ZBTB41: variants seen among roughly 807,000 people sequenced by gnomAD.
ZBTB41 encodes the protein zinc finger and BTB domain containing 41, also known as zinc finger and BTB domain-containing protein 41.
Under a neutral mutation model 87.6 loss-of-function variants are expected in ZBTB41, and 42 were observed. That is an observed-to-expected ratio of 0.48 (90% CI 0.37 to 0.62). The LOEUF is 0.62. Among genes scored for constraint, ZBTB41 ranks in the 20% least tolerant of loss-of-function variants. The pLI is 0.00. For missense variants in ZBTB41, 799 were observed against 1,078.9 expected, an observed-to-expected ratio of 0.74 and a Z score of 3.63; for synonymous variants, 364 against 364.0, an observed-to-expected ratio of 1.00 and a Z score of 0.00.
At chr1:197,168,035 T>G (rs1035596440) in intron 10 of ZBTB41, among the ~76,000 whole-genome samples, 7 of 151,934 alleles carry the variant, frequency 4.6e-5, no homozygotes, top group Non-Finnish European at 8.8e-5. Context: ...AAGCTAGGGG[T>G]AAACTATAAA....
chr1:197,169,758 T>G (rs1210222002), intron 10 of ZBTB41, among the ~76,000 whole-genome samples: 1 of 152,040 alleles, frequency 6.6e-6, no homozygotes, highest in Admixed American at 6.6e-5. Flanking sequence ...TCAGTCAACA[T>G]TAAAATCAAG....
At chr1:197,186,355 T>C (rs1659882924) in intron 5 of ZBTB41, among the ~76,000 whole-genome samples, 2 of 150,980 alleles carry the variant, frequency 1.3e-5, no homozygotes, top group South Asian at 4.2e-4. Flanking sequence ...CACAAAAATG[T>C]AGATGACCTT....
chr1:197,182,630 A>G (rs1659778021), intron 5 of ZBTB41, among the ~76,000 whole-genome samples: 1 of 152,192 alleles, frequency 6.6e-6, no homozygotes, highest in African/African-American at 2.4e-5. Context: ...ATTCATATAT[A>G]TTAAAAATTC....
At chr1:197,201,136 G>A (rs1469497691) in intron 1 of ZBTB41, among the ~76,000 whole-genome samples, 87 bp downstream of exon 1, 1 of 152,210 alleles carries the variant, frequency 6.6e-6, no homozygotes, top group African/African-American at 2.4e-5. Flanking sequence ...CCCAGGCCCG[G>A]GCAAGGCGGA....
rs1312650739 is a variant in ZBTB41, at chr1:197,155,619, T to C, written c.*3740A>G. On this transcript the variant is annotated 3_prime_UTR_variant, in exon 11 of 11. Coordinates refer to ENST00000367405, the MANE Select transcript of ZBTB41 (RefSeq NM_194314.3). ...TGTTTTTAATTTGTTTGCAATTATA[T>C]TGAAAAGCAACCAATGATAATTACT... The C allele has an allele frequency of 2.0e-5, 3 of 152,394 alleles. No homozygotes were observed. The highest frequency in any genetic ancestry group is 4.8e-5 in the African/African-American group (2 of 41,438). 9.4% of individuals were successfully genotyped at this position (152,394 alleles called of 1,614,324 possible).
Position 197,155,491 on chromosome 1 carries a change from A to G in ZBTB41, c.*3868T>C, listed in dbSNP as rs892409022. Reference sequence around the variant, plus strand: ...CAGAAAAGACTGGGTATAAAAGGACACTGTCAAAGAGCTACTGCTCAAAAT... The same window carrying G: ...CAGAAAAGACTGGGTATAAAAGGACGCTGTCAAAGAGCTACTGCTCAAAAT... On this transcript the variant is annotated 3_prime_UTR_variant, in exon 11 of 11. Transcript: ENST00000367405. The G allele has an allele frequency of 6.6e-6, 1 of 152,342 alleles. No homozygotes were observed. The highest frequency in any genetic ancestry group is 1.5e-5 in the Non-Finnish European group (1 of 67,836). The allele number at this position is 152,342 out of a possible 1,614,324, so 9.4% of individuals were successfully genotyped here. A position where few individuals can be genotyped will look rare whatever the true frequency, so the allele number is the denominator to read the frequency against.
chr1:197,191,934 A>G lies in ZBTB41; in HGVS notation c.1121-35T>C, dbSNP rs1398618739. The G allele has an allele frequency of 2.0e-6, 3 of 1,499,932 alleles. No homozygotes were observed. The African/African-American group carries it at 4.2e-5, about 21-fold the overall frequency. The allele number at this position is 1,499,932 out of a possible 1,614,324, so 92.9% of individuals were successfully genotyped here. A position where few individuals can be genotyped will look rare whatever the true frequency, so the allele number is the denominator to read the frequency against. On this transcript the variant is annotated intron_variant, in intron 2 of 10. Coordinates refer to ENST00000367405, the MANE Select transcript of ZBTB41 (RefSeq NM_194314.3). ...AAGAAAAATTAAAATTAAATTTAGT[A>G]CATTTGCTATACTGTGATTGGAATT... is the stretch of plus-strand genomic sequence containing the variant.
At chr1:197,196,859 C>A (rs1373088778) in intron 2 of ZBTB41, among the ~76,000 whole-genome samples, 5 of 152,110 alleles carry the variant, frequency 3.3e-5, no homozygotes, top group Non-Finnish European at 5.9e-5. Context: ...GTAAACTGTT[C>A]CCTATTCTTT....
chr1:197,198,295 C>T (rs555237309), intron 2 of ZBTB41, among the ~76,000 whole-genome samples: 100 of 148,864 alleles, frequency 6.7e-4, no homozygotes, highest in Non-Finnish European at 1.1e-3. Flanking sequence ...TTCCAAAAAA[C>T]ATTATAAAAA....
In ZBTB41 at chr1:197,200,409, G is replaced by A. The variant is rs765366091; in HGVS notation, c.65C>T (p.Ser22Phe). The change falls in exon 2 of 11, where the codon TCT becomes TTT. Residue 22 changes from serine to phenylalanine, a missense_variant. Ser to Phe is a radical substitution (Grantham distance 155). Transcript: ENST00000367405. ...EKIHLGYHKD[S>F]SEGNVAVECD... ...CTCCACTGCAACATTTCCTTCTGAA[G>A]AATCTTTATGATAGCCTAGATGGAT... is the stretch of plus-strand genomic sequence containing the variant. 3.7e-6 allele frequency: 6 copies of A among 1,612,998 alleles called. No homozygotes were observed. In the South Asian group the frequency reaches 6.6e-5, roughly 18 times the overall value.
chr1:197,166,026 A>G (rs1283953832), intron 10 of ZBTB41, among the ~76,000 whole-genome samples: 2 of 151,694 alleles, frequency 1.3e-5, no homozygotes, highest in Admixed American at 1.3e-4. Flanking sequence ...AACAGCACAC[A>G]CTAAGGCCTG....
chr1:197,170,565 C>A (rs937634924), intron 10 of ZBTB41, among the ~76,000 whole-genome samples: 3 of 152,218 alleles, frequency 2.0e-5, no homozygotes, highest in Admixed American at 6.5e-5. Context: ...TTATAACTCT[C>A]AATGCACAGA....
At chr1:197,169,956 AAAAAT>A (rs1301052063) in intron 10 of ZBTB41, among the ~76,000 whole-genome samples, 3 of 152,110 alleles carry the variant, frequency 2.0e-5, no homozygotes, top group African/African-American at 4.8e-5. Flanking sequence ...GTGGTTTAAA[AAAAAT>A]AAAATAGAGA....
intron 2 of ZBTB41, among the ~76,000 whole-genome samples, chr1:197,193,761 C>T (rs1404407520): frequency 6.6e-6 from 1 of 152,222 alleles, no homozygotes; most frequent in Non-Finnish European, 1.5e-5. Context: ...ACAGAGGTCA[C>T]TATATGGGTT....
chr1:197,197,045 G>A (rs1438213803), intron 2 of ZBTB41, among the ~76,000 whole-genome samples: 4 of 152,062 alleles, frequency 2.6e-5, no homozygotes, highest in African/African-American at 9.7e-5. Context: ...GTTTAATAAT[G>A]TTTGGCAGCT....
chr1:197,188,750 A>C (rs1032554443), intron 4 of ZBTB41, among the ~76,000 whole-genome samples: 2 of 152,190 alleles, frequency 1.3e-5, no homozygotes, highest in African/African-American at 2.4e-5. Context: ...TTTTTTAGTC[A>C]CTTATGTCAG....
chr1:197,190,659 A>C, intron 4 of ZBTB41, 103 bp downstream of exon 4: 1 of 640,850 alleles, frequency 1.6e-6, no homozygotes, highest in Non-Finnish European at 2.7e-6. Context: ...TCTAAAAGTG[A>C]GATAAGCTAA....
intron 9 of ZBTB41, among the ~76,000 whole-genome samples, chr1:197,173,731 T>C (rs750358216): frequency 4.6e-5 from 7 of 152,102 alleles, no homozygotes; most frequent in Non-Finnish European, 7.4e-5. Context: ...TATGCTTGGT[T>C]TACCTTATTC....
At chr1:197,196,995 C>G (rs1660180859) in intron 2 of ZBTB41, among the ~76,000 whole-genome samples, 1 of 152,088 alleles carries the variant, frequency 6.6e-6, no homozygotes, top group African/African-American at 2.4e-5. Context: ...CCATTAAACT[C>G]TAAGGTTCTT....
Sources: allele counts gnomAD v4.1 joint callset (sites outside exome capture counted in the v4.1 genomes callset), GRCh38; gene constraint gnomAD v4.1.1; transcripts MANE v1.5; gene names NCBI Gene and HGNC (gene_info 2026-07-23, HGNC 2026-07-21).